Variants in KIAA1958 observed in about 807,000 individuals in gnomAD.
The protein encoded by KIAA1958 is uncharacterized protein KIAA1958.
A neutral mutation model predicts 47.2 loss-of-function variants in KIAA1958; 14 were observed. The ratio of observed to expected loss-of-function variants is 0.30; its 90% CI spans 0.20 to 0.46. The LOEUF (loss-of-function observed/expected upper bound fraction) is 0.46. Among genes scored for constraint, KIAA1958 ranks in the 20% least tolerant of loss-of-function variants. The probability of loss-of-function intolerance (pLI) is 1.00; values close to 1 mark genes in which losing one functional copy is unlikely to be tolerated. For missense variants in KIAA1958, 803 were observed against 909.2 expected, an observed-to-expected ratio of 0.88 and a Z score of 1.50; for synonymous variants, 354 against 353.3, an observed-to-expected ratio of 1.00 and a Z score of -0.02.
intron 1 of KIAA1958, among the ~76,000 whole-genome samples, chr9:112,499,114 ACAC>A (rs1834092901): frequency 1.3e-5 from 2 of 152,182 alleles, no homozygotes; most frequent in South Asian, 2.1e-4. Flanking sequence ...TTGTGTATAT[ACAC>A]CACATTTTCT....
In KIAA1958 at chr9:112,583,689, T is replaced by C. The variant is rs34301163; in HGVS notation, c.1171+8438T>C. On this transcript the variant is annotated intron_variant, in intron 2 of 3. Transcript: ENST00000337530. Reference sequence around the variant, plus strand: ...AATCTTGGAAGACAAAGTTGCAGAATATTATTATATATTAGAGTAATACCA... The same window carrying C: ...AATCTTGGAAGACAAAGTTGCAGAACATTATTATATATTAGAGTAATACCA... Among the ~76,000 whole-genome samples, 1,019 of 152,314 alleles carry C rather than the reference T, an allele frequency of 6.7e-3. 6 individuals carry two copies. Among genetic ancestry groups the C allele is most frequent in the Non-Finnish European group, 0.011 (733 of 68,032 alleles).
Position 112,660,096 on chromosome 9 carries a change from C to A in KIAA1958, c.*27C>A. 1 of 1,595,754 alleles carries A rather than the reference C, an allele frequency of 6.3e-7. No individual in the cohort carries two copies. Among genetic ancestry groups the A allele is most frequent in the South Asian group, 1.1e-5 (1 of 89,246 alleles). On this transcript the variant is annotated 3_prime_UTR_variant, in exon 4 of 4. Transcript: ENST00000337530. ...CCCCCACTGGGGCCCGGCCACTGCCCTGTCACCTGCTCGGGCCAGCCAGGG... is the reference window on the plus strand; with the variant it reads ...CCCCCACTGGGGCCCGGCCACTGCCATGTCACCTGCTCGGGCCAGCCAGGG...
intron 1 of KIAA1958, among the ~76,000 whole-genome samples, chr9:112,534,284 G>A (rs1564162660): frequency 6.6e-6 from 1 of 152,188 alleles, no homozygotes; most frequent in African/African-American, 2.4e-5. Context: ...GCAGAGGCAT[G>A]TCAGAATGAA....
At chr9:112,639,137 T>TAAAG (rs1836855566) in intron 2 of KIAA1958, among the ~76,000 whole-genome samples, 1 of 152,226 alleles carries the variant, frequency 6.6e-6, no homozygotes, top group African/African-American at 2.4e-5. Context: ...CCTGATGCAT[T>TAAAG]CTTTCCCTCT....
intron 3 of KIAA1958, 82 bp downstream of exon 3, chr9:112,645,904 A>G (rs751605071): frequency 1.3e-5 from 15 of 1,194,884 alleles, no homozygotes; most frequent in African/African-American, 1.6e-5. Context: ...CATTGTAGGG[A>G]ACACAGAACG....
intron 2 of KIAA1958, chr9:112,581,752 C>G (rs557756259): frequency 4.8e-6 from 1 of 206,564 alleles, no homozygotes; most frequent in Non-Finnish European, 1.0e-5. Context: ...ACTAGTTATC[C>G]CATTTAACCT....
At chr9:112,567,263 CA>C (rs1835441647) in intron 1 of KIAA1958, among the ~76,000 whole-genome samples, 1 of 152,160 alleles carries the variant, frequency 6.6e-6, no homozygotes, top group African/African-American at 2.4e-5. Flanking sequence ...ACTCCAACAA[CA>C]GTGGCTTAAA....
At chr9:112,571,458 C>T (rs1835531662) in intron 1 of KIAA1958, among the ~76,000 whole-genome samples, 1 of 152,202 alleles carries the variant, frequency 6.6e-6, no homozygotes, top group African/African-American at 2.4e-5. Flanking sequence ...ATGATGCGAA[C>T]CCCTTCCATT....
chr9:112,518,093 A>C (rs1369053122), intron 1 of KIAA1958, among the ~76,000 whole-genome samples: 1 of 152,200 alleles, frequency 6.6e-6, no homozygotes, highest in Non-Finnish European at 1.5e-5. Context: ...TGCCACATGC[A>C]AGCTGTCCCA....
chr9:112,626,693 A>G (rs1836618991), intron 2 of KIAA1958, among the ~76,000 whole-genome samples: 1 of 152,136 alleles, frequency 6.6e-6, no homozygotes. Flanking sequence ...TAGGAGGTCC[A>G]TGTTTAGTAT....
intron 2 of KIAA1958, among the ~76,000 whole-genome samples, chr9:112,593,560 A>G (rs980412739): frequency 6.6e-6 from 1 of 152,050 alleles, no homozygotes; most frequent in Non-Finnish European, 1.5e-5. Flanking sequence ...CAGTGGGACT[A>G]TATTTGTTTT....
At chr9:112,566,278 C>T (rs1835426194) in intron 1 of KIAA1958, among the ~76,000 whole-genome samples, 1 of 151,968 alleles carries the variant, frequency 6.6e-6, no homozygotes, top group African/African-American at 2.4e-5. Context: ...ATAATTTTAT[C>T]CACCTGGTCT....
chr9:112,504,764 A>T (rs1834205099), intron 1 of KIAA1958, among the ~76,000 whole-genome samples: 2 of 152,230 alleles, frequency 1.3e-5, no homozygotes, highest in Non-Finnish European at 2.9e-5. Context: ...GATGCCAATA[A>T]TGAAGTTTTT....
intron 1 of KIAA1958, among the ~76,000 whole-genome samples, chr9:112,519,725 T>TA (rs1313066661): frequency 5.3e-5 from 8 of 152,200 alleles, no homozygotes; most frequent in Non-Finnish European, 1.2e-4. Context: ...AGCAGATACA[T>TA]ATGATTGCTG....
At chr9:112,513,058 G>A (rs915713800) in intron 1 of KIAA1958, among the ~76,000 whole-genome samples, 1 of 144,718 alleles carries the variant, frequency 6.9e-6, no homozygotes, top group African/African-American at 2.6e-5. Flanking sequence ...AGGCTGGAGT[G>A]CAGTGGCGCG....
rs1162937124 is a variant in KIAA1958 at position 112,663,089 on chromosome 9, T to C, written c.*3020T>C. On this transcript the variant is annotated 3_prime_UTR_variant, in exon 4 of 4. Transcript: ENST00000337530. ...GAAATAAATATCAAGAATTCACAGG[T>C]TGACTGAAGCACAAGTTGCCCCTGG... The C allele has an allele frequency of 6.6e-6, 1 of 152,202 alleles. No homozygotes were observed. Among genetic ancestry groups the C allele is most frequent in the Non-Finnish European group, 1.5e-5 (1 of 68,070 alleles). 9.4% of individuals were successfully genotyped at this position (152,202 alleles called of 1,614,324 possible).
chr9:112,528,451 G>A (rs1054682343), intron 1 of KIAA1958, among the ~76,000 whole-genome samples: 54 of 152,248 alleles, frequency 3.5e-4, no homozygotes, highest in South Asian at 1.5e-3. Context: ...TAACCATTTT[G>A]TATCATTGTC....
At chr9:112,506,011 A>G (rs1055531774) in intron 1 of KIAA1958, among the ~76,000 whole-genome samples, 41 of 152,372 alleles carry the variant, frequency 2.7e-4, no homozygotes, top group Non-Finnish European at 5.9e-4. Flanking sequence ...TCAAAGAGAC[A>G]GAAGACCGCT....
chr9:112,553,169 C>G (rs1185994521), intron 1 of KIAA1958, among the ~76,000 whole-genome samples: 1 of 144,560 alleles, frequency 6.9e-6, no homozygotes, highest in Non-Finnish European at 1.5e-5. Context: ...GCCCTCTCCC[C>G]TCTCCCCTCT....
Sources: allele counts gnomAD v4.1 joint callset (sites outside exome capture counted in the v4.1 genomes callset), GRCh38; gene constraint gnomAD v4.1.1; transcripts MANE v1.5; gene names NCBI Gene and HGNC (gene_info 2026-07-23, HGNC 2026-07-21).